The following FBXL14 variants were observed in gnomAD, a reference collection of about 807,000 sequenced individuals.
The protein encoded by FBXL14 is F-box/LRR-repeat protein 14.
A neutral mutation model predicts 24.5 loss-of-function variants in FBXL14; 11 were observed. The observed-to-expected ratio is 0.45, with a 90% CI of 0.28 to 0.74. The LOEUF (loss-of-function observed/expected upper bound fraction) is 0.74. Ranked by LOEUF, FBXL14 falls within the 30% of genes least tolerant of loss-of-function variation. The pLI is 0.12. For synonymous variants in FBXL14, 294 were observed against 240.4 expected (o/e 1.22, Z -2.06); for missense variants, 384 against 545.6 (o/e 0.70, Z 2.95).
chr12:1,584,404 C>T (rs570295671), intron 1 of FBXL14, among the ~76,000 whole-genome samples: 146 of 152,284 alleles, frequency 9.6e-4, no homozygotes, highest in Non-Finnish European at 9.7e-4. Flanking sequence ...CTGTGTCCTA[C>T]GTTAATGAGT....
chr12:1,582,242 A>AAAAAG (rs574510625), intron 1 of FBXL14, among the ~76,000 whole-genome samples: 4 of 152,006 alleles, frequency 2.6e-5, no homozygotes, highest in African/African-American at 7.3e-5. Flanking sequence ...AGAAAGAAAG[A>AAAAAG]AAAAGAAAAG....
chr12:1,576,526 T>C (rs1365046191), intron 1 of FBXL14, among the ~76,000 whole-genome samples: 2 of 152,194 alleles, frequency 1.3e-5, no homozygotes, highest in African/African-American at 4.8e-5. Context: ...GCTCCTTATC[T>C]GGACTGGCTG....
chr12:1,569,887 C>T lies in FBXL14; in HGVS notation c.1195-3077G>A, dbSNP rs765018434. On this transcript the variant is annotated intron_variant, in intron 1 of 1. Transcript: ENST00000339235. The surrounding 1 kb of genome is among the most constrained non-coding windows in gnomAD (Gnocchi z 4.2). ...CACACAGAGCCAAGGGAGGGCAGGG[C>T]GCACCACATGCCCACTGCAGAGCCA... is the stretch of plus-strand genomic sequence containing the variant. Among the ~76,000 whole-genome samples the T allele has an allele frequency of 9.2e-5, 14 of 152,204 alleles. No individual in the cohort carries two copies. The highest frequency in any genetic ancestry group is 1.3e-4 in the Non-Finnish European group (9 of 68,020).
At chr12:1,570,883 A>G (rs1479284580) in intron 1 of FBXL14, among the ~76,000 whole-genome samples, 1 of 151,876 alleles carries the variant, frequency 6.6e-6, no homozygotes, top group Non-Finnish European at 1.5e-5. Flanking sequence ...AGGAGCAGTG[A>G]TGGTGTAGAC....
intron 1 of FBXL14, among the ~76,000 whole-genome samples, chr12:1,589,542 TCA>T (rs2094484799): frequency 6.6e-6 from 1 of 150,778 alleles, no homozygotes; most frequent in African/African-American, 2.4e-5. Flanking sequence ...CCTGGCTCCC[TCA>T]CTTACTGGTT....
chr12:1,586,062 C>A (rs2094475797), intron 1 of FBXL14, among the ~76,000 whole-genome samples: 1 of 152,146 alleles, frequency 6.6e-6, no homozygotes, highest in African/African-American at 2.4e-5. Context: ...ACCTTATAGA[C>A]CATTTAACAA....
intron 1 of FBXL14, among the ~76,000 whole-genome samples, chr12:1,591,866 T>TTTC (rs1471214733): frequency 1.3e-5 from 2 of 152,290 alleles, no homozygotes; most frequent in East Asian, 3.9e-4. Flanking sequence ...TAATCATCAT[T>TTTC]TTCAAGACAC....
intron 1 of FBXL14, among the ~76,000 whole-genome samples, chr12:1,589,005 G>A (rs573714388): frequency 2.0e-5 from 3 of 151,030 alleles, no homozygotes; most frequent in South Asian, 4.3e-4. Context: ...AACAGCTACC[G>A]TTCACTTCTA....
intron 1 of FBXL14, among the ~76,000 whole-genome samples, chr12:1,573,698 A>G (rs1199970587): frequency 1.3e-5 from 2 of 152,196 alleles, no homozygotes; most frequent in African/African-American, 2.4e-5. Context: ...TACAACATAC[A>G]TAAGTGCACA....
intron 1 of FBXL14, among the ~76,000 whole-genome samples, chr12:1,568,627 G>C (rs917451899): frequency 2.6e-5 from 4 of 152,108 alleles, no homozygotes; most frequent in African/African-American, 9.7e-5. Context: ...ATATTACAAG[G>C]GATGAGGGGA....
At chr12:1,582,714 G>C (rs544210908) in intron 1 of FBXL14, among the ~76,000 whole-genome samples, 12 of 152,034 alleles carry the variant, frequency 7.9e-5, no homozygotes, top group African/African-American at 2.7e-4. Context: ...CTATATTACA[G>C]AGCTTATAAG....
intron 1 of FBXL14, among the ~76,000 whole-genome samples, chr12:1,582,439 T>G (rs1486911486): frequency 6.6e-6 from 1 of 152,130 alleles, no homozygotes; most frequent in Non-Finnish European, 1.5e-5. Flanking sequence ...CTTGGCTTTG[T>G]GCAGGGTGAT....
intron 1 of FBXL14, among the ~76,000 whole-genome samples, chr12:1,573,127 C>T (rs2094448341): frequency 6.6e-6 from 1 of 152,102 alleles, no homozygotes; most frequent in South Asian, 2.1e-4. Flanking sequence ...GTCCAGGGGT[C>T]TGGGCTGAAT....
In FBXL14 at chr12:1,569,555, C is replaced by T. The variant is rs964834385; in HGVS notation, c.1195-2745G>A. Reference sequence around the variant, plus strand: ...AGCTGGGATTACAGGCGCCCGCCACCACGCCCGGCTAATTTTTTGTGTTTT... The same window carrying T: ...AGCTGGGATTACAGGCGCCCGCCACTACGCCCGGCTAATTTTTTGTGTTTT... On this transcript the variant is annotated intron_variant, in intron 1 of 1. Coordinates refer to ENST00000339235, the MANE Select transcript of FBXL14 (RefSeq NM_152441.3). This position sits in a 1 kb window ranked among gnomAD's most constrained non-coding sequence, Gnocchi z 4.2. Among the ~76,000 whole-genome samples, 5 of 152,166 alleles carry T rather than the reference C, an allele frequency of 3.3e-5. No homozygotes were observed. Among genetic ancestry groups the T allele is most frequent in the African/African-American group, 9.7e-5 (4 of 41,448 alleles).
chr12:1,594,368 G>A lies in FBXL14; in HGVS notation c.-302C>T, dbSNP rs2094497308. On this transcript the variant is annotated 5_prime_UTR_variant, in exon 1 of 2. Coordinates refer to ENST00000339235, the MANE Select transcript of FBXL14 (RefSeq NM_152441.3). ...CGCCTCGCTCTCGCTCCCGGAGGCC[G>A]GCCGCCGCCGCCGCCTCGGCTCTAC... Among the ~76,000 whole-genome samples the A allele has an allele frequency of 1.4e-5, 2 of 142,914 alleles. No homozygotes were observed. Among genetic ancestry groups the A allele is most frequent in the Non-Finnish European group, 3.1e-5 (2 of 64,492 alleles). The allele number at this position is 142,914 out of a possible 152,430, so 93.8% of individuals were successfully genotyped here.
At chr12:1,571,459 C>T (rs2094445426) in intron 1 of FBXL14, among the ~76,000 whole-genome samples, 1 of 152,202 alleles carries the variant, frequency 6.6e-6, no homozygotes, top group Non-Finnish European at 1.5e-5. Context: ...CCGCCTGCCT[C>T]AGCCTCCCAA....
intron 1 of FBXL14, among the ~76,000 whole-genome samples, chr12:1,568,791 G>T (rs924764151): frequency 3.9e-5 from 6 of 152,112 alleles, no homozygotes; most frequent in African/African-American, 1.2e-4. Flanking sequence ...AACCCAGGAG[G>T]TGGAGGTTGC....
At chr12:1,586,358 C>CA (rs916184931) in intron 1 of FBXL14, among the ~76,000 whole-genome samples, 8 of 150,110 alleles carry the variant, frequency 5.3e-5, no homozygotes, top group South Asian at 2.1e-4. Flanking sequence ...GACTCTGTCT[C>CA]AAAAAAAAGA....
In FBXL14 at chr12:1,592,990, G is replaced by A. The variant is rs1417102972; in HGVS notation, c.1077C>T (p.Thr359=). 4 of 1,612,794 alleles carry A rather than the reference G, an allele frequency of 2.5e-6. No homozygotes were observed. Among genetic ancestry groups the A allele is most frequent in the African/African-American group, 1.3e-5 (1 of 74,930 alleles). ...ELIAEHLSQL[T]GIDLYGCTRI... Reference sequence around the variant, plus strand: ...GGGTGCAGCCGTACAGGTCTATGCCGGTGAGTTGGCTCAGGTGCTCAGCGA... The same window carrying A: ...GGGTGCAGCCGTACAGGTCTATGCCAGTGAGTTGGCTCAGGTGCTCAGCGA... The change falls in exon 1 of 2, where the codon ACC becomes ACT. Residue 359 remains threonine (T), a synonymous_variant. Transcript: ENST00000339235.
Sources: allele counts gnomAD v4.1 joint callset (sites outside exome capture counted in the v4.1 genomes callset), GRCh38; gene constraint gnomAD v4.1.1; non-coding constraint Gnocchi (gnomAD v3.1); transcripts MANE v1.5; gene names NCBI Gene and HGNC (gene_info 2026-07-23, HGNC 2026-07-21).